PRDM11: variants seen among roughly 807,000 people sequenced by gnomAD.
The protein encoded by PRDM11 is PR domain-containing protein 11.
Under a neutral mutation model 97.8 loss-of-function variants are expected in PRDM11, and 20 were observed. That is an observed-to-expected ratio of 0.20 (90% CI 0.14 to 0.30). PRDM11 has a LOEUF of 0.30. Ranked by LOEUF, PRDM11 falls within the 10% of genes least tolerant of loss-of-function variation. The pLI is 1.00. For synonymous variants in PRDM11, 599 were observed against 637.7 expected (o/e 0.94, Z 0.91); for missense variants, 1,139 against 1,555.2 (o/e 0.73, Z 4.50).
chr11:45,161,971 C>T (rs948224609), intron 1 of PRDM11, among the ~76,000 whole-genome samples: 7 of 152,206 alleles, frequency 4.6e-5, no homozygotes, highest in African/African-American at 1.4e-4. Flanking sequence ...GTTCCCTGTC[C>T]GGTTCTTTTT....
chr11:45,203,436 A>G (rs1853399189), intron 4 of PRDM11, among the ~76,000 whole-genome samples: 1 of 152,096 alleles, frequency 6.6e-6, no homozygotes, highest in South Asian at 2.1e-4. Context: ...CATTAAAAAA[A>G]AAAACAAAGA....
upstream of PRDM11, among the ~76,000 whole-genome samples, chr11:45,144,089 C>G (rs367876474): frequency 5.9e-5 from 9 of 152,356 alleles, no homozygotes; most frequent in East Asian, 1.3e-3. Context: ...GGCTTCCCTT[C>G]TGAGATGTTT....
chr11:45,156,382 G>T (rs753181632), intron 1 of PRDM11, among the ~76,000 whole-genome samples: 1 of 152,228 alleles, frequency 6.6e-6, no homozygotes, highest in Non-Finnish European at 1.5e-5. Context: ...CTGGGGTCCA[G>T]ACGTACACAC....
intron 5 of PRDM11, chr11:45,215,786 C>G (rs541664219): frequency 6.6e-6 from 1 of 152,174 alleles, no homozygotes; most frequent in Non-Finnish European, 1.5e-5. Context: ...CCTCCTAGCC[C>G]GGAGACCTAT....
In PRDM11 at chr11:45,234,651, G is replaced by A. The variant is rs569461261; in HGVS notation, c.*6492G>A. 2 of 152,362 alleles carry A rather than the reference G, an allele frequency of 1.3e-5. No individual in the cohort carries two copies. The highest frequency in any genetic ancestry group is 2.9e-5 in the Non-Finnish European group (2 of 68,098). 9.4% of individuals were successfully genotyped at this position (152,362 alleles called of 1,614,324 possible). On this transcript the variant is annotated 3_prime_UTR_variant, in exon 8 of 8. Coordinates refer to ENST00000683152, the MANE Select transcript of PRDM11 (RefSeq NM_001384648.1). ...AGAGAGCACGCCAGGGGCACCAAGG[G>A]ACCGAGCCCTCTGTCCAGAGGGGGA... is the stretch of plus-strand genomic sequence containing the variant.
chr11:45,151,337 G>C lies in PRDM11; in HGVS notation c.-7+4460G>C, dbSNP rs1851654528. Among the ~76,000 whole-genome samples the C allele has an allele frequency of 2.0e-5, 3 of 152,206 alleles. No individual in the cohort carries two copies. The South Asian group carries it at 6.2e-4, about 31-fold the overall frequency. ...GCTGGAAAAACAAGCCGTGCAGAAAGAAAAAAGAAAATTGTGCTGTTGTTT... is the reference window on the plus strand; with the variant it reads ...GCTGGAAAAACAAGCCGTGCAGAAACAAAAAAGAAAATTGTGCTGTTGTTT... On this transcript the variant is annotated intron_variant, in intron 1 of 7. Transcript: ENST00000683152.
intron 1 of PRDM11, among the ~76,000 whole-genome samples, chr11:45,136,611 C>G (rs1045231961): frequency 2.0e-5 from 3 of 152,136 alleles, no homozygotes; most frequent in South Asian, 2.1e-4. Flanking sequence ...TTAGAAATGG[C>G]AAGAACCAGG....
chr11:45,104,596 C>T (rs1852029759), intron 1 of PRDM11, among the ~76,000 whole-genome samples: 2 of 152,148 alleles, frequency 1.3e-5, no homozygotes, highest in Admixed American at 6.5e-5. Context: ...CCAGCTATGA[C>T]CCATCTCCCA....
chr11:45,226,334 T>G lies in PRDM11; in HGVS notation c.1709T>G (p.Leu570Arg). 6.5e-7 allele frequency: 1 copy of G among 1,533,958 alleles called. No homozygotes were observed. Among genetic ancestry groups the G allele is most frequent in the Non-Finnish European group, 8.7e-7 (1 of 1,146,752 alleles). The change falls in exon 8 of 8, where the codon CTG becomes CGG. Residue 570 changes from leucine to arginine, a missense_variant. Coordinates refer to ENST00000683152, the MANE Select transcript of PRDM11 (RefSeq NM_001384648.1). ...CAGAGCAACCTGCACAAGAAGTGCCTGCAACTGTACAAGCTCCGCATGCAC... is the reference window on the plus strand; with the variant it reads ...CAGAGCAACCTGCACAAGAAGTGCCGGCAACTGTACAAGCTCCGCATGCAC... Reference protein sequence around the residue: ...HSQSNLHKKCLQLYKLRMHPE... With the variant: ...HSQSNLHKKCRQLYKLRMHPE...
intron 1 of PRDM11, among the ~76,000 whole-genome samples, chr11:45,162,357 A>C (rs1225500556): frequency 3.9e-5 from 6 of 151,966 alleles, no homozygotes; most frequent in Admixed American, 3.9e-4. Flanking sequence ...TTTAGGCTGG[A>C]GAAAGTAAGG....
chr11:45,110,908 C>A (rs1406067024), intron 1 of PRDM11, among the ~76,000 whole-genome samples: 1 of 152,134 alleles, frequency 6.6e-6, no homozygotes, highest in South Asian at 2.1e-4. Flanking sequence ...TCTCCAGATT[C>A]CAATCTAAGA....
chr11:45,133,934 T>G (rs570482936), intron 1 of PRDM11, among the ~76,000 whole-genome samples: 1 of 152,272 alleles, frequency 6.6e-6, no homozygotes, highest in Non-Finnish European at 1.5e-5. Context: ...GGCCCCCAAA[T>G]GCCAATCTGC....
chr11:45,145,681 T>C (rs1851491338), upstream of PRDM11, among the ~76,000 whole-genome samples: 1 of 152,188 alleles, frequency 6.6e-6, no homozygotes, highest in African/African-American at 2.4e-5. Flanking sequence ...ACGTCGCCAT[T>C]GGGCCACAGG....
chr11:45,207,289 T>G (rs538863618), intron 5 of PRDM11, among the ~76,000 whole-genome samples: 30 of 152,320 alleles, frequency 2.0e-4, no homozygotes, highest in Admixed American at 7.8e-4. Context: ...GATGATTGAA[T>G]GGACTCTGTT....
intron 1 of PRDM11, among the ~76,000 whole-genome samples, chr11:45,100,016 G>T (rs1851945312): frequency 6.6e-6 from 1 of 152,212 alleles, no homozygotes; most frequent in South Asian, 2.1e-4. Flanking sequence ...ACAGCAGGGA[G>T]GGATGCTAGC....
chr11:45,098,183 G>A (rs1010830568), intron 1 of PRDM11, among the ~76,000 whole-genome samples: 1 of 152,186 alleles, frequency 6.6e-6, no homozygotes, highest in Non-Finnish European at 1.5e-5. Flanking sequence ...GGATGGCCTC[G>A]TTCCCCTCAT....
At chr11:45,101,599 A>AGAAGAC (rs1565220143) in intron 1 of PRDM11, among the ~76,000 whole-genome samples, 1 of 148,974 alleles carries the variant, frequency 6.7e-6, no homozygotes, top group African/African-American at 2.5e-5. Context: ...AAGAAGAAGA[A>AGAAGAC]GGCGTTCAGG....
chr11:45,200,381 G>T (rs147785460), intron 4 of PRDM11, among the ~76,000 whole-genome samples: 3 of 152,274 alleles, frequency 2.0e-5, no homozygotes, highest in Non-Finnish European at 4.4e-5. Flanking sequence ...TAATAATCCC[G>T]ATTATGATCA....
chr11:45,213,273 C>T, intron 5 of PRDM11: 1 of 456,524 alleles, frequency 2.2e-6, no homozygotes, highest in South Asian at 1.5e-5. Flanking sequence ...AAGCCACCTG[C>T]TTGATGCTTG....
Sources: gnomAD v4.1 joint callset for allele counts (sites outside exome capture counted in the v4.1 genomes callset) on GRCh38, gnomAD v4.1.1 for gene constraint, MANE v1.5 for transcripts, NCBI Gene and HGNC (gene_info 2026-07-23, HGNC 2026-07-21) for gene names.